WNT9A: variants seen among roughly 807,000 people sequenced by gnomAD.
WNT9A encodes Wnt family member 9A, also known as protein Wnt-9a.
Under a neutral mutation model 31.4 loss-of-function variants are expected in WNT9A, and 8 were observed. The ratio of observed to expected loss-of-function variants is 0.26; its 90% CI spans 0.15 to 0.46. The LOEUF is 0.46. Ranked by LOEUF, WNT9A falls within the 20% of genes least tolerant of loss-of-function variation. The probability of loss-of-function intolerance (pLI) is 0.99; values close to 1 mark genes in which losing one functional copy is unlikely to be tolerated. For missense variants in WNT9A, 457 were observed against 522.9 expected (o/e 0.87, Z 1.23); for synonymous variants, 236 against 220.1 (o/e 1.07, Z -0.64).
intron 1 of WNT9A, among the ~76,000 whole-genome samples, chr1:227,940,604 G>A (rs1053618217): frequency 7.2e-5 from 11 of 152,196 alleles, no homozygotes; most frequent in South Asian, 2.1e-4. Flanking sequence ...CGGCCCTGAC[G>A]TTCTCCAGCT....
chr1:227,938,973 A>T (rs1187469989), intron 1 of WNT9A, among the ~76,000 whole-genome samples: 1 of 152,202 alleles, frequency 6.6e-6, no homozygotes, highest in African/African-American at 2.4e-5. Context: ...TCACGGCAGC[A>T]CCAGTTCATG....
intron 1 of WNT9A, among the ~76,000 whole-genome samples, chr1:227,934,943 T>C (rs1010214336): frequency 1.3e-5 from 2 of 151,008 alleles, no homozygotes; most frequent in African/African-American, 2.4e-5. Flanking sequence ...CAGGTCACTA[T>C]AGACAGCCTG....
rs1263681542 is a variant in WNT9A at position 227,918,964 on chromosome 1, G to A, written c.*2554C>T. On this transcript the variant is annotated 3_prime_UTR_variant, in exon 4 of 4. Transcript: ENST00000272164. ...GCCCTTTCTCCTCTACTGCCCCTCA[G>A]AAGAGAAGCGCATGAAACAGGAGGC... 1 of 152,210 alleles carries A rather than the reference G, an allele frequency of 6.6e-6. No homozygotes were observed. The highest frequency in any genetic ancestry group is 1.5e-5 in the Non-Finnish European group (1 of 68,036). The allele number at this position is 152,210 out of a possible 1,614,324, so 9.4% of individuals were successfully genotyped here. A position where few individuals can be genotyped will look rare whatever the true frequency, so the allele number is the denominator to read the frequency against.
rs145085988 is a variant in WNT9A, at chr1:227,921,941, C to T, written c.675G>A (p.Thr225=). The T allele has an allele frequency of 5.7e-5, 92 of 1,612,972 alleles. No individual in the cohort carries two copies. The highest frequency in any genetic ancestry group is 5.6e-4 in the African/African-American group (42 of 75,052). Residue 225 remains threonine, a synonymous_variant, in exon 4 of 4, where the codon ACG becomes ACA. Transcript: ENST00000272164. The part of the protein sequence containing the change: ...CKCHGVSGSC[T]VRTCWRQLAP... ...CCAACTGCCGCCAGCAGGTCCGCAC[C>T]GTGCATGAGCCTGACACGCCGTGGC...
At chr1:227,923,485 G>A (rs1171960326) in intron 3 of WNT9A, among the ~76,000 whole-genome samples, 1 of 152,218 alleles carries the variant, frequency 6.6e-6, no homozygotes. Flanking sequence ...GATGACCAGA[G>A]AGCCAGGGTC....
chr1:227,924,909 G>A (rs916665984), intron 2 of WNT9A, among the ~76,000 whole-genome samples: 1 of 152,184 alleles, frequency 6.6e-6, no homozygotes, highest in Non-Finnish European at 1.5e-5. Flanking sequence ...CCTCATGAGG[G>A]TGGGAGGGGC....
intron 3 of WNT9A, among the ~76,000 whole-genome samples, chr1:227,923,033 G>A (rs12046421): frequency 0.21 from 31,720 of 152,204 alleles, 3,364 homozygotes; most frequent in South Asian, 0.32. Context: ...CTTACAAAGC[G>A]GCGAAGAGGG....
At chr1:227,924,085 C>CCCCCCCCCCCCTT in intron 3 of WNT9A, 53 bp downstream of exon 3, 2 of 1,063,498 alleles carry the variant, frequency 1.9e-6, no homozygotes, top group South Asian at 1.7e-5. Context: ...CCCCAACCCC[C>CCCCCCCCCCCCTT]TGACGCTCTT....
rs1558257704 is a variant in WNT9A at position 227,921,707 on chromosome 1, G to A, written c.909C>T (p.Arg303=). 6.2e-7 allele frequency: 1 copy of A among 1,612,794 alleles called. No individual in the cohort carries two copies. The highest frequency in any genetic ancestry group is 8.5e-7 in the Non-Finnish European group (1 of 1,179,860). The change falls in exon 4 of 4, where the codon CGC becomes CGT. Residue 303 remains arginine (R), a synonymous_variant. Transcript: ENST00000272164. ...DDSPSFCLAG[R]FSPGTAGRRC... is the part of the protein sequence containing the mutation. Reference sequence around the variant, plus strand: ...TACGGCCAGCGGTGCCCGGGGAGAAGCGGCCAGCCAGGCAGAAGCTAGGCG... The same window carrying A: ...TACGGCCAGCGGTGCCCGGGGAGAAACGGCCAGCCAGGCAGAAGCTAGGCG...
intron 1 of WNT9A, among the ~76,000 whole-genome samples, chr1:227,939,193 A>G (rs763271737): frequency 1.3e-5 from 2 of 152,250 alleles, no homozygotes; most frequent in Non-Finnish European, 2.9e-5. Flanking sequence ...TCCACGCTGC[A>G]GATGGGGCCG....
chr1:227,931,802 A>G (rs1009039383), intron 1 of WNT9A, among the ~76,000 whole-genome samples: 1 of 151,632 alleles, frequency 6.6e-6, no homozygotes, highest in Admixed American at 6.6e-5. Context: ...TCGCTGGGGG[A>G]GGGTCTTGCC....
chr1:227,939,888 C>T (rs1383983583), intron 1 of WNT9A, among the ~76,000 whole-genome samples: 1 of 152,228 alleles, frequency 6.6e-6, no homozygotes, highest in African/African-American at 2.4e-5. Context: ...TGCAAATCAA[C>T]CCAGCCCGAG....
Position 227,921,316 on chromosome 1 carries a change from C to T in WNT9A, c.*202G>A. 1 of 760,190 alleles carries T rather than the reference C, an allele frequency of 1.3e-6. No homozygotes were observed. The allele number at this position is 760,190 out of a possible 1,614,324, so 47.1% of individuals were successfully genotyped here. Reference sequence around the variant, plus strand: ...GCACCCCATGCAGCTAGGACTGAGCCCAGGGACTCACCCCACGCTGCTAGG... The same window carrying T: ...GCACCCCATGCAGCTAGGACTGAGCTCAGGGACTCACCCCACGCTGCTAGG... On this transcript the variant is annotated 3_prime_UTR_variant, in exon 4 of 4. Coordinates refer to ENST00000272164, the MANE Select transcript of WNT9A (RefSeq NM_003395.4).
intron 1 of WNT9A, among the ~76,000 whole-genome samples, chr1:227,937,981 G>A (rs1254199269): frequency 1.3e-5 from 2 of 152,172 alleles, no homozygotes; most frequent in African/African-American, 2.4e-5. Context: ...CAGCGCACAC[G>A]TGGTGGCTGT....
rs1041851534 is a variant in WNT9A, at chr1:227,919,213, T to C, written c.*2305A>G. 1 of 152,208 alleles carries C rather than the reference T, an allele frequency of 6.6e-6. No homozygotes were observed. Among genetic ancestry groups the C allele is most frequent in the Non-Finnish European group, 1.5e-5 (1 of 68,052 alleles). 9.4% of individuals were successfully genotyped at this position (152,208 alleles called of 1,614,324 possible). ...ACTGAGTGACAGTCTTGTCATGTCA[T>C]GAGGGTGTGGCCAGCTATGCTGCTC... On this transcript the variant is annotated 3_prime_UTR_variant, in exon 4 of 4. Transcript: ENST00000272164.
rs201992957 is a variant in WNT9A at position 227,944,782 on chromosome 1, G to GC, written c.95+3010dup. Among the ~76,000 whole-genome samples, 651 of 152,268 alleles carry GC rather than the reference G, an allele frequency of 4.3e-3. 12 individuals carry two copies. The highest frequency in any genetic ancestry group is 0.029 in the East Asian group (152 of 5,164). ...GCAGGGCCTGGCCTCCCACCATCGT[G>GC]CCCCCGCAAAGTAACCTGCAAATGT... On this transcript the variant is annotated intron_variant, in intron 1 of 3. Coordinates refer to ENST00000272164, the MANE Select transcript of WNT9A (RefSeq NM_003395.4).
At chr1:227,937,803 C>A (rs975361482) in intron 1 of WNT9A, among the ~76,000 whole-genome samples, 6 of 152,258 alleles carry the variant, frequency 3.9e-5, no homozygotes, top group African/African-American at 1.2e-4. Context: ...TTAGGCCAGC[C>A]AGTCTGTGGT....
Position 227,926,519 on chromosome 1 carries a change from C to T in WNT9A, c.96-1000G>A, listed in dbSNP as rs946999390. On this transcript the variant is annotated intron_variant, in intron 1 of 3. Coordinates refer to ENST00000272164, the MANE Select transcript of WNT9A (RefSeq NM_003395.4). The surrounding 1 kb of genome is among the most constrained non-coding windows in gnomAD (Gnocchi z 5.0). ...TGTCACCTGTCTATCCTGGGACTGA[C>T]CGAGCATGCTCTGCAGCTCTGTGTC... is the stretch of plus-strand genomic sequence containing the variant. Among the ~76,000 whole-genome samples, 3 of 152,108 alleles carry T rather than the reference C, an allele frequency of 2.0e-5. No homozygotes were observed. Among genetic ancestry groups the T allele is most frequent in the African/African-American group, 7.2e-5 (3 of 41,426 alleles).
intron 1 of WNT9A, among the ~76,000 whole-genome samples, chr1:227,940,588 G>A (rs1241631532): frequency 1.3e-5 from 2 of 152,168 alleles, no homozygotes; most frequent in Non-Finnish European, 2.9e-5. Flanking sequence ...TGGCCAGGAG[G>A]GACGCCGGCC....
Sources: gnomAD v4.1 joint callset for allele counts (sites outside exome capture counted in the v4.1 genomes callset) on GRCh38, gnomAD v4.1.1 for gene constraint, Gnocchi (gnomAD v3.1) non-coding constraint, MANE v1.5 for transcripts, NCBI Gene and HGNC (gene_info 2026-07-23, HGNC 2026-07-21) for gene names.